OGN: variants seen among roughly 807,000 people sequenced by gnomAD.
OGN encodes the protein osteoglycin.
OGN carries 19 observed loss-of-function variants against 30.8 expected under a neutral mutation model. The observed-to-expected ratio is 0.62, with a 90% CI of 0.43 to 0.90. The LOEUF is 0.90. Among genes scored for constraint, OGN ranks in the 40% least tolerant of loss-of-function variants. OGN has a pLI of 0.00. For synonymous variants in OGN, 126 were observed against 128.3 expected (o/e 0.98, Z 0.12); for missense variants, 283 against 349.7 (o/e 0.81, Z 1.52).
rs970871820 is a variant in OGN at position 92,383,816 on chromosome 9, A to G, written c.*1804T>C. Among the ~76,000 whole-genome samples, 2 of 151,892 alleles carry G rather than the reference A, an allele frequency of 1.3e-5. No homozygotes were observed. Among genetic ancestry groups the G allele is most frequent in the Non-Finnish European group, 2.9e-5 (2 of 67,964 alleles). On this transcript the variant is annotated 3_prime_UTR_variant, in exon 7 of 7. Coordinates refer to ENST00000375561, the MANE Select transcript of OGN (RefSeq NM_014057.5). ...ACTACTGACTTTTGAATTTTTTCTT[A>G]ATTTGAGAGTTATTTGATGGTGTTT...
chr9:92,387,762 T>C (rs965272978), intron 5 of OGN, among the ~76,000 whole-genome samples: 1 of 152,072 alleles, frequency 6.6e-6, no homozygotes, highest in African/African-American at 2.4e-5. Flanking sequence ...GAATTTATTA[T>C]TTTCTTTTCT....
Position 92,389,150 on chromosome 9 carries a change from A to G in OGN, c.630+704T>C, listed in dbSNP as rs552931315. 1.4e-4 allele frequency among the ~76,000 whole-genome samples: 22 copies of G among 152,282 alleles called. No homozygotes were observed. The East Asian group carries it at 4.2e-3, about 29-fold the overall frequency. On this transcript the variant is annotated intron_variant, in intron 5 of 6. Coordinates refer to ENST00000375561, the MANE Select transcript of OGN (RefSeq NM_014057.5). ...CCTTTTGAATGAGATTATGTCTGTT[A>G]CCAGCAATGGCATGGTCATCATTTT...
chr9:92,401,095 C>T lies in OGN; in HGVS notation c.265G>A (p.Asp89Asn), dbSNP rs368440349. 1 of 1,400,252 alleles carries T rather than the reference C, an allele frequency of 7.1e-7. No homozygotes were observed. The highest frequency in any genetic ancestry group is 1.4e-5 in the African/African-American group (1 of 70,060). The allele number at this position is 1,400,252 out of a possible 1,614,324, so 86.7% of individuals were successfully genotyped here. A position where few individuals can be genotyped will look rare whatever the true frequency, so the allele number is the denominator to read the frequency against. ...AAAATATTTAGATGATACTTACCAT[C>T]ATTTTCTTTCTTGGGAGGTAATGGT... ...ITPLPPKKENDEMPTCLLCVC... is the reference protein window; with the variant it reads ...ITPLPPKKENNEMPTCLLCVC... The change falls in exon 3 of 7, where the codon GAT becomes AAT. Residue 89 changes from aspartate to asparagine, a missense_variant. By Grantham distance (23) the Asp-to-Asn change is conservative (BLOSUM62 1). Coordinates refer to ENST00000375561, the MANE Select transcript of OGN (RefSeq NM_014057.5).
intron 4 of OGN, among the ~76,000 whole-genome samples, chr9:92,391,266 G>A (rs1318042593): frequency 6.6e-6 from 1 of 151,870 alleles, no homozygotes; most frequent in Admixed American, 6.6e-5. Context: ...AATTAGCCAG[G>A]CGTGGTGGCG....
chr9:92,401,003 T>C, intron 3 of OGN, 89 bp downstream of exon 3: 1 of 667,324 alleles, frequency 1.5e-6, no homozygotes, highest in South Asian at 1.9e-5. Flanking sequence ...TTACTGTATC[T>C]TGAGTCAGTT....
intron 6 of OGN, 24 bp from the exon 7 acceptor site, chr9:92,385,814 T>C: frequency 1.2e-6 from 2 of 1,612,878 alleles, no homozygotes; most frequent in Non-Finnish European, 1.7e-6. Flanking sequence ...AGGAAAACAT[T>C]GTTCAGAAAT....
At chr9:92,404,681 C>G, upstream of OGN, 1 of 1,244,770 alleles carries the variant, frequency 8.0e-7, no homozygotes, top group Non-Finnish European at 1.0e-6. Context: ...AGCATTCTTT[C>G]TCTAGGGTGA....
intron 4 of OGN, among the ~76,000 whole-genome samples, chr9:92,391,250 A>T (rs1430140530): frequency 6.6e-6 from 1 of 151,670 alleles, no homozygotes; most frequent in Non-Finnish European, 1.5e-5. Context: ...CCAAAAAAAA[A>T]AAAAAAATTA....
At chr9:92,395,446 TC>T (rs1242586811) in intron 3 of OGN, among the ~76,000 whole-genome samples, 1 of 152,228 alleles carries the variant, frequency 6.6e-6, no homozygotes, top group Non-Finnish European at 1.5e-5. Context: ...TTGGGTTGTT[TC>T]CAGGTTTTCA....
At chr9:92,402,655 G>C (rs796717521) in intron 2 of OGN, among the ~76,000 whole-genome samples, 16 of 152,228 alleles carry the variant, frequency 1.1e-4, no homozygotes, top group African/African-American at 3.4e-4. Context: ...CAGTTACTTG[G>C]TACCAATTGA....
intron 2 of OGN, 130 bp from the exon 3 acceptor site, chr9:92,401,315 T>G: frequency 1.9e-6 from 1 of 523,396 alleles, no homozygotes; most frequent in Non-Finnish European, 3.4e-6. Flanking sequence ...TAGGCTTTCA[T>G]ACATATTTCC....
At chr9:92,400,443 C>T (rs1026615605) in intron 3 of OGN, among the ~76,000 whole-genome samples, 1 of 152,238 alleles carries the variant, frequency 6.6e-6, no homozygotes, top group Non-Finnish European at 1.5e-5. Context: ...GCCACCACGC[C>T]CAGCCTGGGA....
chr9:92,386,818 G>C (rs1404263059), intron 5 of OGN, among the ~76,000 whole-genome samples: 1 of 152,020 alleles, frequency 6.6e-6, no homozygotes, highest in East Asian at 1.9e-4. Flanking sequence ...TCCTGACCTC[G>C]TGATCTGCCC....
At chr9:92,388,562 C>T (rs1254622317) in intron 5 of OGN, among the ~76,000 whole-genome samples, 1 of 151,642 alleles carries the variant, frequency 6.6e-6, no homozygotes, top group South Asian at 2.1e-4. Flanking sequence ...AAAAAAAGGC[C>T]AGGCACGGTG....
chr9:92,385,863 G>A, intron 6 of OGN, 73 bp from the exon 7 acceptor site: 1 of 1,464,698 alleles, frequency 6.8e-7, no homozygotes, highest in Non-Finnish European at 9.5e-7. Context: ...ATGGGTAAAG[G>A]AAACCTAAGT....
chr9:92,393,033 G>T, intron 4 of OGN, 53 bp downstream of exon 4: 1 of 1,443,790 alleles, frequency 6.9e-7, no homozygotes, highest in Non-Finnish European at 9.5e-7. Flanking sequence ...GTGTTTATAT[G>T]AGTTAAATAC....
At chr9:92,390,371 G>T (rs945639366) in intron 4 of OGN, among the ~76,000 whole-genome samples, 1 of 152,168 alleles carries the variant, frequency 6.6e-6, no homozygotes, top group Non-Finnish European at 1.5e-5. Context: ...AATTCTTGTT[G>T]CAAATCATGG....
At chr9:92,394,497 T>A (rs2130907463) in intron 3 of OGN, among the ~76,000 whole-genome samples, 1 of 151,632 alleles carries the variant, frequency 6.6e-6, no homozygotes, top group Non-Finnish European at 1.5e-5. Context: ...GTGATCTGCC[T>A]GCCTCGGTCT....
chr9:92,400,821 C>T lies in OGN; in HGVS notation c.268+271G>A, dbSNP rs1293121778. Among the ~76,000 whole-genome samples, 4 of 152,166 alleles carry T rather than the reference C, an allele frequency of 2.6e-5. No homozygotes were observed. The East Asian group carries it at 5.8e-4, about 22-fold the overall frequency. On this transcript the variant is annotated intron_variant, in intron 3 of 6. Transcript: ENST00000375561. ...AAATAATCCGTGTTTAAGTATTTCT[C>T]GAATAGATTTTATATGGATGGAAAC... is the stretch of plus-strand genomic sequence containing the variant.
Sources: allele counts gnomAD v4.1 joint callset (sites outside exome capture counted in the v4.1 genomes callset), GRCh38; gene constraint gnomAD v4.1.1; transcripts MANE v1.5; gene names NCBI Gene and HGNC (gene_info 2026-07-23, HGNC 2026-07-21).